ITGA7: variants seen among roughly 807,000 people sequenced by gnomAD.
The protein encoded by ITGA7 is integrin subunit alpha 7, also known as integrin alpha-7.
ITGA7 carries 84 observed loss-of-function variants against 131.6 expected under a neutral mutation model. The observed-to-expected ratio is 0.64, with a 90% CI of 0.54 to 0.77. ITGA7 has a LOEUF of 0.77. ITGA7 is among the 30% of genes least tolerant of loss of function. The probability of loss-of-function intolerance (pLI) is 0.00; values close to 1 mark genes in which losing one functional copy is unlikely to be tolerated. For missense variants in ITGA7, 1,399 were observed against 1,482.9 expected, an observed-to-expected ratio of 0.94 and a Z score of 0.93; for synonymous variants, 548 against 600.7, an observed-to-expected ratio of 0.91 and a Z score of 1.28.
At chr12:55,708,387 G>A (rs1875678473), upstream of ITGA7, among the ~76,000 whole-genome samples, 2 of 151,990 alleles carry the variant, frequency 1.3e-5, no homozygotes, top group Admixed American at 1.3e-4. Context: ...TTCTGCTGTT[G>A]GGATCAGACC....
In ITGA7 at chr12:55,695,506, T is replaced by G; in HGVS notation, c.2003+16A>C. The G allele has an allele frequency of 5.1e-5, 60 of 1,185,212 alleles. No homozygotes were observed. Among genetic ancestry groups the G allele is most frequent in the Non-Finnish European group, 7.3e-5 (58 of 796,942 alleles). 73.4% of individuals were successfully genotyped at this position (1,185,212 alleles called of 1,614,324 possible). Reference sequence around the variant, plus strand: ...TCTTGCCCTCCCACCCCCACCCTGCTCTCTGCCCCCCTCACATGGGCAGAG... The same window carrying G: ...TCTTGCCCTCCCACCCCCACCCTGCGCTCTGCCCCCCTCACATGGGCAGAG... On this transcript the variant is annotated intron_variant, in intron 14 of 24. Coordinates refer to ENST00000257879, the MANE Select transcript of ITGA7 (RefSeq NM_002206.3).
intron 19 of ITGA7, 55 bp from the exon 20 acceptor site, chr12:55,693,372 T>A: frequency 6.7e-7 from 1 of 1,492,102 alleles, no homozygotes. Flanking sequence ...TTTTTTTTTT[T>A]TTTTAATTTT....
intron 12 of ITGA7, 118 bp from the exon 13 acceptor site, chr12:55,696,550 T>G (rs1872666651): frequency 9.1e-7 from 1 of 1,103,624 alleles, no homozygotes; most frequent in Non-Finnish European, 1.3e-6. Flanking sequence ...GGGAGATGAA[T>G]GAGAGAGGTG....
At position 55,703,417 on chromosome 12, in the gene ITGA7, T is replaced by TACACAC. The variant is rs57311080; in HGVS notation, c.207-245_207-240dup. Among the ~76,000 whole-genome samples, 2,162 of 148,870 alleles carry TACACAC rather than the reference T, an allele frequency of 0.015. 35 individuals are homozygous for TACACAC. Among genetic ancestry groups the TACACAC allele is most frequent in the East Asian group, 0.084 (416 of 4,978 alleles). The stretch of plus-strand genomic sequence containing the variant: ...ATAAGGGATCAACATACACAGTAGA[T>TACACAC]ACACACACACACACACACACACACA... On this transcript the variant is annotated intron_variant, in intron 1 of 24. Transcript: ENST00000257879.
rs779766907 is a variant in ITGA7, at chr12:55,687,994, G to A, written c.3160C>T (p.Leu1054=). ...AVLAGLLVLA[L]LVLLLWKMGF... ...ACCTTCCACAGGAGCAGCACCAGCA[G>A]TGCTAGCACCAGCAGCCCAGCCAGT... The change falls in exon 24 of 25, where the codon CTG becomes TTG. Residue 1054 remains leucine, a synonymous_variant. Transcript: ENST00000257879. 3 of 1,614,188 alleles carry A rather than the reference G, an allele frequency of 1.9e-6. No individual in the cohort carries two copies. The Admixed American group carries it at 5.0e-5, about 27-fold the overall frequency.
chr12:55,696,793 T>C, intron 12 of ITGA7, 106 bp downstream of exon 12: 1 of 1,322,534 alleles, frequency 7.6e-7, no homozygotes, highest in Non-Finnish European at 1.1e-6. Context: ...TGTCTAGGTC[T>C]TAGAAGGAGG....
chr12:55,698,813 T>C lies in ITGA7; in HGVS notation c.895A>G (p.Lys299Glu), dbSNP rs1344244554. The C allele has an allele frequency of 1.2e-6, 2 of 1,613,964 alleles. No homozygotes were observed. The highest frequency in any genetic ancestry group is 1.7e-6 in the Non-Finnish European group (2 of 1,180,014). The stretch of plus-strand genomic sequence containing the variant: ...GGCACCAGGCGACTGGCGCTGTCCT[T>C]GCGCAGGATGACCACAGCACCCTTG... Reference protein sequence around the residue: ...NHKGAVVILRKDSASRLVPEV... With the variant: ...NHKGAVVILREDSASRLVPEV... Residue 299 changes from lysine to glutamate, a missense_variant, in exon 6 of 25, where the codon AAG (lysine) becomes GAG (glutamate). Lys to Glu is a moderately conservative substitution (Grantham distance 56). Transcript: ENST00000257879.
At chr12:55,688,392 C>A in intron 22 of ITGA7, 92 bp from the exon 23 acceptor site, 1 of 955,542 alleles carries the variant, frequency 1.0e-6, no homozygotes, top group Non-Finnish European at 1.7e-6. Flanking sequence ...TAATGGTGCC[C>A]AACACAGAGG....
rs1203383224 is a variant in ITGA7, at chr12:55,699,712, T to C, written c.790+158A>G. 4.1e-6 allele frequency: 4 copies of C among 981,916 alleles called. No homozygotes were observed. The South Asian group carries it at 4.3e-5, about 11-fold the overall frequency. 60.8% of individuals were successfully genotyped at this position (981,916 alleles called of 1,614,324 possible). ...GCCTCCTCCTCTTAGGCCTGATCAT[T>C]GGACCCAGCTCTTCTCTGCAATTTG... On this transcript the variant is annotated intron_variant, in intron 5 of 24. Transcript: ENST00000257879.
At position 55,701,100 on chromosome 12, in the gene ITGA7, G is replaced by C. The variant is rs768285629; in HGVS notation, c.469C>G (p.Arg157Gly). ...ACAAAGCAGCGACCAATCATATCCC[G>C]CGTCTCCAGGATCTGGTCCACTCGC... ...RQRVDQILETRDMIGRCFVLS... is the reference protein window; with the variant it reads ...RQRVDQILETGDMIGRCFVLS... The change falls in exon 4 of 25, where the codon CGG becomes GGG. Residue 157 changes from arginine (R) to glycine (G), a missense_variant. By Grantham distance (125) the Arg-to-Gly change is moderately radical (BLOSUM62 -2). Transcript: ENST00000257879. 2 of 1,614,080 alleles carry C rather than the reference G, an allele frequency of 1.2e-6. No homozygotes were observed. The highest frequency in any genetic ancestry group is 1.7e-5 in the Admixed American group (1 of 59,996).
At position 55,684,915 on chromosome 12, in the gene ITGA7, G is replaced by A. The variant is rs1869733697; in HGVS notation, c.*143C>T. 1 of 662,150 alleles carries A rather than the reference G, an allele frequency of 1.5e-6. No individual in the cohort carries two copies. The highest frequency in any genetic ancestry group is 2.9e-5 in the Admixed American group (1 of 34,016). 41.0% of individuals were successfully genotyped at this position (662,150 alleles called of 1,614,324 possible). A position where few individuals can be genotyped will look rare whatever the true frequency, so the allele number is the denominator to read the frequency against. On this transcript the variant is annotated 3_prime_UTR_variant, in exon 25 of 25. Coordinates refer to ENST00000257879, the MANE Select transcript of ITGA7 (RefSeq NM_002206.3). ...TTGGGTGGGAGGAGTTCTTGTGGGT[G>A]GGAGAGGTCTGTGCCCCTGAGGAAG...
At chr12:55,707,384 C>A (rs1477865086) in intron 1 of ITGA7, 93 bp downstream of exon 1, 2 of 1,036,864 alleles carry the variant, frequency 1.9e-6, no homozygotes, top group African/African-American at 3.2e-5. Context: ...CTTGGTGGGG[C>A]TAGAAAACAG....
chr12:55,700,767 A>C, intron 4 of ITGA7, 132 bp downstream of exon 4: 1 of 1,171,814 alleles, frequency 8.5e-7, no homozygotes, highest in Non-Finnish European at 1.2e-6. Flanking sequence ...ATGGGGTGGA[A>C]GGCATGGCAG....
chr12:55,705,746 C>A (rs1424278832), intron 1 of ITGA7, among the ~76,000 whole-genome samples: 1 of 152,368 alleles, frequency 6.6e-6, no homozygotes, highest in East Asian at 1.9e-4. Context: ...ATCTGCACAA[C>A]AACCCTATGT....
chr12:55,715,879 G>T, upstream of ITGA7: 1 of 787,020 alleles, frequency 1.3e-6, no homozygotes, highest in South Asian at 2.3e-5. Context: ...AAACTGGCTT[G>T]GCAATATAAG....
intron 1 of ITGA7, among the ~76,000 whole-genome samples, chr12:55,704,892 C>T (rs1425554034): frequency 6.6e-6 from 1 of 152,186 alleles, no homozygotes; most frequent in Non-Finnish European, 1.5e-5. Flanking sequence ...TAAATGGCAA[C>T]CTTCAGGCAA....
intron 3 of ITGA7, 48 bp downstream of exon 3, chr12:55,702,824 C>A (rs890301616): frequency 1.3e-6 from 2 of 1,512,042 alleles, no homozygotes; most frequent in South Asian, 1.1e-5. Context: ...TAAACACACA[C>A]ACACACACAC....
upstream of ITGA7, among the ~76,000 whole-genome samples, chr12:55,709,483 C>T (rs1333737391): frequency 6.6e-6 from 1 of 152,210 alleles, no homozygotes; most frequent in East Asian, 1.9e-4. Context: ...CCCTCCAGAG[C>T]ACTAACACAT....
In ITGA7 at chr12:55,684,803, C is replaced by T. The variant is rs1331216580; in HGVS notation, c.*255G>A. On this transcript the variant is annotated 3_prime_UTR_variant, in exon 25 of 25. Transcript: ENST00000257879. ...TTAGGATCCCTTCTCCCCACCTTTG[C>T]ATCAGGACACCCCTGCCCTTCTCAC... 2.0e-6 allele frequency: 1 copy of T among 512,058 alleles called. No individual in the cohort carries two copies. Among genetic ancestry groups the T allele is most frequent in the Admixed American group, 3.4e-5 (1 of 29,476 alleles). 31.7% of individuals were successfully genotyped at this position (512,058 alleles called of 1,614,324 possible).
Sources: gnomAD v4.1 joint callset for allele counts (sites outside exome capture counted in the v4.1 genomes callset) on GRCh38, gnomAD v4.1.1 for gene constraint, MANE v1.5 for transcripts, NCBI Gene and HGNC (gene_info 2026-07-23, HGNC 2026-07-21) for gene names.